The following HLA-F variants were observed in gnomAD, a reference collection of about 807,000 sequenced individuals.
The protein encoded by HLA-F is HLA class I histocompatibility antigen, alpha chain F.
HLA-F carries 46 observed loss-of-function variants against 49.5 expected under a neutral mutation model. That is an observed-to-expected ratio of 0.93 (90% confidence interval 0.73 to 1.19). The LOEUF (loss-of-function observed/expected upper bound fraction) is 1.19. Among genes scored for constraint, HLA-F ranks in the 50% most tolerant of loss-of-function variants. HLA-F has a pLI of 0.00. For synonymous variants in HLA-F, 203 were observed against 233.5 expected (o/e 0.87, Z 1.19); for missense variants, 496 against 579.6 (o/e 0.86, Z 1.48).
At position 29,726,034 on chromosome 6, in the gene HLA-F, C is replaced by G. The variant is rs748286540; in HGVS notation, c.1027C>G (p.Gln343Glu). 3 of 1,613,974 alleles carry G rather than the reference C, an allele frequency of 1.9e-6. No individual in the cohort carries two copies. The highest frequency in any genetic ancestry group is 2.5e-6 in the Non-Finnish European group (3 of 1,179,828). ...AGATAGAAACAGAGGGAGCTACTCT[C>G]AGGCTGCAGGTAAGATGAAGGAGGC... ...SSDRNRGSYS[Q>E]AAAYSVVSGN... The change falls in exon 6 of 7, where the codon CAG becomes GAG. Residue 343 changes from glutamine (Q) to glutamate (E), a missense_variant. Gln to Glu is a conservative substitution (Grantham distance 29). Transcript: ENST00000259951.
At chr6:29,725,897 T>G in intron 5 of HLA-F, 114 bp from the exon 6 acceptor site, 8 of 1,151,000 alleles carry the variant, frequency 7.0e-6, no homozygotes, top group Middle Eastern at 2.0e-4. Context: ...CTGCCCTGGA[T>G]CTACAGTTAC....
rs762436685 is a variant in HLA-F, at chr6:29,727,013, CAT to C, written c.1168_1169del (p.Met390ValfsTer29). 7 of 1,613,428 alleles carry C rather than the reference CAT, an allele frequency of 4.3e-6. No individual in the cohort carries two copies. In the African/African-American group the frequency reaches 9.3e-5, roughly 22 times the overall value. ...TCTTGGGCCGCCGGAAGGTGGGTGA[CAT>C]GTGGATCTTGTTTTTTTTGTGGCTG... ...SVLGRRKVGD[M>X]WILFFLWLWT... is the part of the protein sequence containing the mutation. On this transcript the variant is annotated frameshift_variant, in exon 7 of 7. Coordinates refer to ENST00000259951, the MANE Select transcript of HLA-F (RefSeq NM_001098479.2). LOFTEE classifies it high-confidence loss of function.
intron 6 of HLA-F, chr6:29,726,481 C>T (rs899448402): frequency 1.7e-5 from 27 of 1,583,278 alleles, no homozygotes; most frequent in Middle Eastern, 4.3e-4. Context: ...CACGAACATA[C>T]ATAAATTTTA....
chr6:29,725,628 A>G, intron 5 of HLA-F, 65 bp downstream of exon 5: 9 of 1,329,708 alleles, frequency 6.8e-6, no homozygotes, highest in Non-Finnish European at 9.7e-6. Flanking sequence ...AGCCCCAAGT[A>G]GAAGTGTGCC....
At chr6:29,732,064 G>A (rs1296976374), downstream of HLA-F, among the ~76,000 whole-genome samples, 3 of 152,134 alleles carry the variant, frequency 2.0e-5, no homozygotes, top group South Asian at 2.1e-4. Flanking sequence ...TTCCAGGCTC[G>A]AACAATCTTC....
At chr6:29,729,300 C>CA (rs1231630719), downstream of HLA-F, 10 of 152,174 alleles carry the variant, frequency 6.6e-5, no homozygotes, top group Admixed American at 6.5e-4. Flanking sequence ...AAGCCTCCTC[C>CA]AATCACCTGT....
chr6:29,724,023 C>T (rs17875381), intron 2 of HLA-F, 96 bp downstream of exon 2: 1 of 1,547,764 alleles, frequency 6.5e-7, no homozygotes, highest in Non-Finnish European at 8.7e-7. Flanking sequence ...AAATCTACCC[C>T]GAGGCAGCGG....
At chr6:29,726,161 G>A (rs2735061) in intron 6 of HLA-F, 118 bp downstream of exon 6, 163,901 of 1,100,248 alleles carry the variant, frequency 0.15, 13,502 homozygotes, top group Middle Eastern at 0.17. Context: ...ACCAGGTCCT[G>A]TTTTTGTTCT....
intron 3 of HLA-F, chr6:29,735,746 C>T (rs1019034633): frequency 2.0e-5 from 3 of 151,932 alleles, no homozygotes; most frequent in Non-Finnish European, 2.9e-5. Context: ...TTTAAATAGT[C>T]ATTCTTCTCC....
Position 29,726,008 on chromosome 6 carries a change from T to G in HLA-F, c.1004-3T>G. ...CCTCTCACAGGACATTTTCTTCCCA[T>G]AGATAGAAACAGAGGGAGCTACTCT... On this transcript the variant is annotated splice_polypyrimidine_tract_variant and splice_region_variant and intron_variant, in intron 5 of 6. Transcript: ENST00000259951. 4 of 1,614,000 alleles carry G rather than the reference T, an allele frequency of 2.5e-6. No homozygotes were observed. Among genetic ancestry groups the G allele is most frequent in the Non-Finnish European group, 3.4e-6 (4 of 1,179,884 alleles).
rs778725685 is a variant in HLA-F, at chr6:29,725,213, T to G, written c.793T>G (p.Trp265Gly). ...RPAGDGTFQKWAAVVVPPGEE... is the reference protein window; with the variant it reads ...RPAGDGTFQKGAAVVVPPGEE... ...TGCAGGGGATGGAACCTTCCAGAAG[T>G]GGGCCGCTGTGGTGGTGCCTCCTGG... The change falls in exon 4 of 7, where the codon TGG (tryptophan) becomes GGG (glycine). Residue 265 changes from tryptophan (W) to glycine (G), a missense_variant. Physicochemically the swap from Trp to Gly is radical, Grantham distance 184. Coordinates refer to ENST00000259951, the MANE Select transcript of HLA-F (RefSeq NM_001098479.2). 1.9e-6 allele frequency: 3 copies of G among 1,613,904 alleles called. No homozygotes were observed. The highest frequency in any genetic ancestry group is 2.2e-5 in the South Asian group (2 of 91,072).
chr6:29,727,108 G>A lies in HLA-F; in HGVS notation c.1262G>A (p.Gly421Asp). The change falls in exon 7 of 7, where the codon GGC (glycine) becomes GAC (aspartate). Residue 421 changes from glycine (G) to aspartate (D), a missense_variant. Gly to Asp is a moderately conservative substitution (Grantham distance 94, BLOSUM62 -1). Coordinates refer to ENST00000259951, the MANE Select transcript of HLA-F (RefSeq NM_001098479.2). ...SLRFGFGFRR[G>D]RSFLLRSWHH... ...CGCTTTGGCTTCGGCTTTAGGAGGG[G>A]CAGGAGCTTCCTTCTTCGTTCTTGG... 1.9e-6 allele frequency: 3 copies of A among 1,611,554 alleles called. No homozygotes were observed. The highest frequency in any genetic ancestry group is 2.5e-6 in the Non-Finnish European group (3 of 1,179,710).
Position 29,723,882 on chromosome 6 carries a change from G to A in HLA-F, c.289G>A (p.Val97Met). The A allele has an allele frequency of 1.3e-6, 2 of 1,594,076 alleles. No homozygotes were observed. The highest frequency in any genetic ancestry group is 2.3e-5 in the South Asian group (2 of 88,778). The change falls in exon 2 of 7, where the codon GTG becomes ATG. Residue 97 changes from valine (V) to methionine (M), a missense_variant. Val to Met is a conservative substitution (Grantham distance 21, BLOSUM62 1). Coordinates refer to ENST00000259951, the MANE Select transcript of HLA-F (RefSeq NM_001098479.2). ...YAKANAQTDR[V>M]ALRNLLRRYN... The stretch of plus-strand genomic sequence containing the variant: ...CAAGGCCAACGCACAGACTGACCGA[G>A]TGGCCCTGAGGAACCTGCTCCGCCG...
chr6:29,733,535 T>C (rs184286634), intron 3 of HLA-F, among the ~76,000 whole-genome samples: 357 of 152,360 alleles, frequency 2.3e-3, no homozygotes, highest in African/African-American at 8.0e-3. Flanking sequence ...GGAGAATCAC[T>C]TGAGCCCAGG....
chr6:29,727,215 C>A lies in HLA-F; in HGVS notation c.*40C>A. Reference sequence around the variant, plus strand: ...AGTTGCAAGACCCATGATACTAGACCACTAAATACTTCATCACACACCTCC... The same window carrying A: ...AGTTGCAAGACCCATGATACTAGACAACTAAATACTTCATCACACACCTCC... On this transcript the variant is annotated 3_prime_UTR_variant, in exon 7 of 7. Transcript: ENST00000259951. 7.8e-7 allele frequency: 1 copy of A among 1,289,274 alleles called. No individual in the cohort carries two copies. Among genetic ancestry groups the A allele is most frequent in the Non-Finnish European group, 1.1e-6 (1 of 927,954 alleles). 79.9% of individuals were successfully genotyped at this position (1,289,274 alleles called of 1,614,324 possible).
In HLA-F at chr6:29,727,094, C is replaced by A; in HGVS notation, c.1248C>A (p.Phe416Leu). 1.2e-6 allele frequency: 2 copies of A among 1,612,898 alleles called. No individual in the cohort carries two copies. Among genetic ancestry groups the A allele is most frequent in the Non-Finnish European group, 1.7e-6 (2 of 1,179,950 alleles). ...CCTTGCAAAGCCTTCGCTTTGGCTTCGGCTTTAGGAGGGGCAGGAGCTTCC... is the reference window on the plus strand; with the variant it reads ...CCTTGCAAAGCCTTCGCTTTGGCTTAGGCTTTAGGAGGGGCAGGAGCTTCC... Reference protein sequence around the residue: ...FLALQSLRFGFGFRRGRSFLL... With the variant: ...FLALQSLRFGLGFRRGRSFLL... Residue 416 changes from phenylalanine (F) to leucine (L), a missense_variant, in exon 7 of 7, where the codon TTC (phenylalanine) becomes TTA (leucine). Phe to Leu is a conservative substitution (Grantham distance 22). Coordinates refer to ENST00000259951, the MANE Select transcript of HLA-F (RefSeq NM_001098479.2).
chr6:29,724,741 T>G (rs1293004905), intron 3 of HLA-F, among the ~76,000 whole-genome samples: 1 of 152,162 alleles, frequency 6.6e-6, no homozygotes, highest in Non-Finnish European at 1.5e-5. Context: ...GCCCCGTGAC[T>G]TTTCTCTCAA....
intron 1 of HLA-F, 21 bp from the exon 2 acceptor site, chr6:29,723,637 T>A (rs762071299): frequency 7.5e-6 from 12 of 1,605,352 alleles, no homozygotes; most frequent in Non-Finnish European, 1.0e-5. Context: ...CTGGCGGGTC[T>A]CAGCCCCTCC....
chr6:29,738,413 T>C (rs984510452), exon 5 of HLA-F: 1 of 152,210 alleles, frequency 6.6e-6, no homozygotes, highest in Non-Finnish European at 1.5e-5. Flanking sequence ...GGACGATGCT[T>C]CTTGACACAG....
Sources: gnomAD v4.1 joint callset for allele counts (sites outside exome capture counted in the v4.1 genomes callset) on GRCh38, gnomAD v4.1.1 for gene constraint, MANE v1.5 for transcripts, NCBI Gene and HGNC (gene_info 2026-07-23, HGNC 2026-07-21) for gene names.